SNRPD1: variants seen among roughly 807,000 people sequenced by gnomAD.
The protein encoded by SNRPD1 is small nuclear ribonucleoprotein Sm D1.
A neutral mutation model predicts 14.4 loss-of-function variants in SNRPD1; 1 was observed. The ratio of observed to expected loss-of-function variants is 0.07; its 90% confidence interval spans 0.02 to 0.33. The LOEUF (loss-of-function observed/expected upper bound fraction) is 0.33, where lower values mean the gene tolerates loss of function less well. Among genes scored for constraint, SNRPD1 ranks in the 10% least tolerant of loss-of-function variants. SNRPD1 has a pLI of 1.00. For missense variants in SNRPD1, 52 were observed against 146.4 expected (o/e 0.36, Z 3.33); for synonymous variants, 42 against 50.3 (o/e 0.83, Z 0.70).
In SNRPD1 at chr18:21,631,590, C is replaced by A. The variant is rs1442069904; in HGVS notation, c.*2452C>A. On this transcript the variant is annotated 3_prime_UTR_variant, in exon 4 of 4. Transcript: ENST00000300413. ...TAGCTGGGACTACAGGTGCCTGCCA[C>A]CACACCCAGCTAATTTTTTGTCTTT... is the stretch of plus-strand genomic sequence containing the variant. The A allele has an allele frequency of 6.6e-6, 1 of 151,734 alleles. No individual in the cohort carries two copies. Among genetic ancestry groups the A allele is most frequent in the Non-Finnish European group, 1.5e-5 (1 of 68,084 alleles). 9.4% of individuals were successfully genotyped at this position (151,734 alleles called of 1,614,324 possible). A position where few individuals can be genotyped will look rare whatever the true frequency, so the allele number is the denominator to read the frequency against.
chr18:21,619,343 C>G (rs2038980444), intron 1 of SNRPD1, among the ~76,000 whole-genome samples: 1 of 152,082 alleles, frequency 6.6e-6, no homozygotes, highest in African/African-American at 2.4e-5. Context: ...CCAAGTCTGG[C>G]TAATTTTTTT....
chr18:21,624,009 T>C, intron 3 of SNRPD1, 70 bp downstream of exon 3: 2 of 888,912 alleles, frequency 2.2e-6, no homozygotes, highest in South Asian at 1.7e-5. Flanking sequence ...AATATAGATA[T>C]TATTTGCAAA....
intron 3 of SNRPD1, among the ~76,000 whole-genome samples, chr18:21,628,021 C>T (rs1210281796): frequency 6.6e-6 from 1 of 152,080 alleles, no homozygotes; most frequent in Admixed American, 6.6e-5. Context: ...TGAAATGTCC[C>T]TTAATTAGCA....
Position 21,632,856 on chromosome 18 carries a change from T to TTCTC in SNRPD1, c.*3719_*3720insCTCT, listed in dbSNP as rs1555676182. 54 of 143,422 alleles carry TTCTC rather than the reference T, an allele frequency of 3.8e-4. No individual in the cohort carries two copies. The highest frequency in any genetic ancestry group is 2.4e-4 in the Non-Finnish European group (16 of 65,618). 8.9% of individuals were successfully genotyped at this position (143,422 alleles called of 1,614,324 possible). A position where few individuals can be genotyped will look rare whatever the true frequency, so the allele number is the denominator to read the frequency against. On this transcript the variant is annotated 3_prime_UTR_variant, in exon 4 of 4. Coordinates refer to ENST00000300413, the MANE Select transcript of SNRPD1 (RefSeq NM_006938.4). The stretch of plus-strand genomic sequence containing the variant: ...TTTTCTTTTCTTTTCTTTTCTTTTC[T>TTCTC]TTTTTTTTTTTTGAGACAGAGTCTA...
chr18:21,624,060 G>C, intron 3 of SNRPD1, 121 bp downstream of exon 3: 1 of 656,866 alleles, frequency 1.5e-6, no homozygotes, highest in Non-Finnish European at 2.6e-6. Context: ...CCTATAGTAT[G>C]TATAGTAATT....
At chr18:21,624,986 C>G (rs2039025759) in intron 3 of SNRPD1, among the ~76,000 whole-genome samples, 1 of 152,032 alleles carries the variant, frequency 6.6e-6, no homozygotes, top group African/African-American at 2.4e-5. Flanking sequence ...AAGAAAAAGT[C>G]TGTATGTGTT....
chr18:21,631,990 G>A lies in SNRPD1; in HGVS notation c.*2852G>A, dbSNP rs1357578649. On this transcript the variant is annotated 3_prime_UTR_variant, in exon 4 of 4. Transcript: ENST00000300413. The stretch of plus-strand genomic sequence containing the variant: ...TAACAAATAAAAATTGGAGCTTAGT[G>A]CCGTGGTGCACACTTGTAGTCCCTG... 6.6e-6 allele frequency: 1 copy of A among 152,168 alleles called. No individual in the cohort carries two copies. Among genetic ancestry groups the A allele is most frequent in the Non-Finnish European group, 1.5e-5 (1 of 68,050 alleles). The allele number at this position is 152,168 out of a possible 1,614,324, so 9.4% of individuals were successfully genotyped here.
At chr18:21,628,142 G>T (rs1204449037) in intron 3 of SNRPD1, among the ~76,000 whole-genome samples, 1 of 152,160 alleles carries the variant, frequency 6.6e-6, no homozygotes, top group African/African-American at 2.4e-5. Flanking sequence ...CACTTTGGGA[G>T]GCTGAGGCTG....
chr18:21,613,056 C>T (rs975136165), intron 1 of SNRPD1, among the ~76,000 whole-genome samples: 4 of 152,144 alleles, frequency 2.6e-5, no homozygotes, highest in Non-Finnish European at 5.9e-5. Context: ...ATTATTCCAC[C>T]TCTATTTCCC....
rs554069337 is a variant in SNRPD1, at chr18:21,628,942, T to TATAACTA, written c.284-120_284-119insATAACTA. 385 of 773,656 alleles carry TATAACTA rather than the reference T, an allele frequency of 5.0e-4. 3 individuals are homozygous for TATAACTA. In the African/African-American group the frequency reaches 6.2e-3, roughly 12 times the overall value. The allele number at this position is 773,656 out of a possible 1,614,324, so 47.9% of individuals were successfully genotyped here. ...CAGAAGCTAGTTAAACTTTATTTAC[T>TATAACTA]GTAGCTACTAATAAAGAGCTATAAA... On this transcript the variant is annotated intron_variant, in intron 3 of 3. Transcript: ENST00000300413.
At chr18:21,622,420 G>A (rs757698476) in intron 1 of SNRPD1, among the ~76,000 whole-genome samples, 1 of 152,236 alleles carries the variant, frequency 6.6e-6, no homozygotes, top group East Asian at 1.9e-4. Flanking sequence ...AATTATAGGC[G>A]TGAGCCACCA....
chr18:21,632,727 C>T lies in SNRPD1; in HGVS notation c.*3589C>T, dbSNP rs1187124709. The T allele has an allele frequency of 6.6e-6, 1 of 152,226 alleles. No individual in the cohort carries two copies. Among genetic ancestry groups the T allele is most frequent in the Non-Finnish European group, 1.5e-5 (1 of 68,118 alleles). The allele number at this position is 152,226 out of a possible 1,614,324, so 9.4% of individuals were successfully genotyped here. On this transcript the variant is annotated 3_prime_UTR_variant, in exon 4 of 4. Coordinates refer to ENST00000300413, the MANE Select transcript of SNRPD1 (RefSeq NM_006938.4). ...AGAGTTTAACATGCTTCTCTTGACCCCTCTTCACCACCCCCTAAAAGGCAG... is the reference window on the plus strand; with the variant it reads ...AGAGTTTAACATGCTTCTCTTGACCTCTCTTCACCACCCCCTAAAAGGCAG...
At chr18:21,616,499 A>G (rs1212646938) in intron 1 of SNRPD1, among the ~76,000 whole-genome samples, 1 of 151,908 alleles carries the variant, frequency 6.6e-6, no homozygotes. Flanking sequence ...CTGGGATTAC[A>G]GGCGCCTGCC....
rs148322122 is a variant in SNRPD1 at position 21,623,674 on chromosome 18, C to T, written c.92-74C>T. ...GTAATCTTTTGTAGTCCAGTATTTA[C>T]TGTGGCTCAGTAGATTAATTAGTTG... On this transcript the variant is annotated intron_variant, in intron 2 of 3. Coordinates refer to ENST00000300413, the MANE Select transcript of SNRPD1 (RefSeq NM_006938.4). 6.6e-6 allele frequency: 7 copies of T among 1,062,326 alleles called. No individual in the cohort carries two copies. In the East Asian group the frequency reaches 1.7e-4, roughly 25 times the overall value. 65.8% of individuals were successfully genotyped at this position (1,062,326 alleles called of 1,614,324 possible). A position where few individuals can be genotyped will look rare whatever the true frequency, so the allele number is the denominator to read the frequency against.
intron 3 of SNRPD1, among the ~76,000 whole-genome samples, chr18:21,627,184 G>A (rs918682912): frequency 3.9e-5 from 6 of 152,096 alleles, no homozygotes; most frequent in South Asian, 2.1e-4. Context: ...CAGGAGAATC[G>A]CTTGAACCCG....
At chr18:21,623,989 C>A in intron 3 of SNRPD1, 50 bp downstream of exon 3, 1 of 1,053,388 alleles carries the variant, frequency 9.5e-7, no homozygotes, top group African/African-American at 1.6e-5. Context: ...TCCTAATCCA[C>A]ACTATTCATA....
intron 1 of SNRPD1, 51 bp downstream of exon 1, chr18:21,612,494 C>T (rs765386666): frequency 7.2e-7 from 1 of 1,381,426 alleles, no homozygotes; most frequent in Non-Finnish European, 9.7e-7. Context: ...GGGCTTGGCC[C>T]GGAGTCCGGA....
Position 21,625,454 on chromosome 18 carries a change from T to G in SNRPD1, c.283+1515T>G, listed in dbSNP as rs1310483978. ...GTTTCAGCCTCCCAAGTAGCTGGGA[T>G]TATAGGTGTGTGCCACCACACCCAG... is the stretch of plus-strand genomic sequence containing the variant. On this transcript the variant is annotated intron_variant, in intron 3 of 3. Transcript: ENST00000300413. Among the ~76,000 whole-genome samples the G allele has an allele frequency of 2.0e-5, 3 of 151,034 alleles. No homozygotes were observed. The Admixed American group carries it at 2.0e-4, about 10-fold the overall frequency.
At chr18:21,624,690 CAAAA>C (rs1206974503) in intron 3 of SNRPD1, among the ~76,000 whole-genome samples, 2 of 138,356 alleles carry the variant, frequency 1.4e-5, no homozygotes, top group African/African-American at 5.3e-5. Context: ...GACTTTGTCT[CAAAA>C]AAAAAAAATA....
Sources: gnomAD v4.1 joint callset for allele counts (sites outside exome capture counted in the v4.1 genomes callset) on GRCh38, gnomAD v4.1.1 for gene constraint, MANE v1.5 for transcripts, NCBI Gene and HGNC (gene_info 2026-07-23, HGNC 2026-07-21) for gene names.